Variants in IRAG2 observed in about 807,000 individuals in gnomAD.
IRAG2 encodes inositol 1,4,5-triphosphate receptor associated 2, also known as lymphoid restricted membrane protein.
In IRAG2, 45 loss-of-function variants were observed where a neutral mutation model predicts 69.9. The ratio of observed to expected loss-of-function variants is 0.64; its 90% CI spans 0.51 to 0.83. The LOEUF (loss-of-function observed/expected upper bound fraction) is 0.83. IRAG2 is among the 40% of genes least tolerant of loss of function. The pLI is 0.00. For missense variants in IRAG2, 520 were observed against 587.0 expected (o/e 0.89, Z 1.18); for synonymous variants, 193 against 202.4 (o/e 0.95, Z 0.40).
At chr12:25,083,564 T>C in intron 10 of IRAG2, 71 bp downstream of exon 10, 1 of 905,290 alleles carries the variant, frequency 1.1e-6, no homozygotes, top group Middle Eastern at 2.2e-4. Flanking sequence ...CTCTAAAAAG[T>C]AGTCTTAAAA....
rs750630508 is a variant in IRAG2 at position 25,103,968 on chromosome 12, A to G, written c.997-41A>G. The G allele has an allele frequency of 1.6e-5, 26 of 1,604,122 alleles. No individual in the cohort carries two copies. The Admixed American group carries it at 4.0e-4, about 25-fold the overall frequency. ...TTCATATGACAGAAAATATAAACGTATATTTTATCATTTCTTTTAACATTT... is the reference window on the plus strand; with the variant it reads ...TTCATATGACAGAAAATATAAACGTGTATTTTATCATTTCTTTTAACATTT... On this transcript the variant is annotated intron_variant, in intron 18 of 21. Coordinates refer to ENST00000556887, the MANE Select transcript of IRAG2 (RefSeq NM_001366544.2).
chr12:25,035,728 C>G (rs1398966164), exon 14 of IRAG2: 1 of 398,890 alleles, frequency 2.5e-6, no homozygotes, highest in Non-Finnish European at 4.4e-6. Context: ...GGAAATGCTG[C>G]TATTACTAAG....
chr12:25,016,816 A>G (rs1461693908), intron 5 of IRAG2, among the ~76,000 whole-genome samples: 2 of 152,116 alleles, frequency 1.3e-5, no homozygotes, highest in East Asian at 3.8e-4. Context: ...CCAGGCAGAA[A>G]TAGGAACTCT....
At chr12:25,017,368 G>A in intron 6 of IRAG2, 19 of 1,135,880 alleles carry the variant, frequency 1.7e-5, no homozygotes, top group Non-Finnish European at 2.1e-5. Flanking sequence ...TTTAAATATT[G>A]AGAGTCACAC....
chr12:25,020,901 A>G, exon 7 of IRAG2: 1 of 1,224,826 alleles, frequency 8.2e-7, no homozygotes, highest in Non-Finnish European at 1.0e-6. Flanking sequence ...CCCAGAGCAA[A>G]CAATTAGTAA....
intron 16 of IRAG2, among the ~76,000 whole-genome samples, chr12:25,038,958 G>A (rs919392804): frequency 9.2e-5 from 14 of 152,134 alleles, no homozygotes; most frequent in African/African-American, 3.4e-4. Flanking sequence ...GGAATAGATG[G>A]TAACAAATAT....
exon 3 of IRAG2, chr12:25,011,440 G>C (rs1479423486): frequency 8.1e-7 from 1 of 1,231,538 alleles, no homozygotes; most frequent in Non-Finnish European, 1.0e-6. Context: ...GAAGACAGTG[G>C]CCTTGAGCAG....
chr12:25,060,802 AG>A (rs757004906), intron 1 of IRAG2, among the ~76,000 whole-genome samples: 19 of 150,742 alleles, frequency 1.3e-4, no homozygotes, highest in Non-Finnish European at 2.4e-4. Flanking sequence ...CTAGGATTAC[AG>A]GCATGCGCCA....
chr12:25,092,079 A>G (rs1427238573), intron 14 of IRAG2, among the ~76,000 whole-genome samples: 1 of 151,602 alleles, frequency 6.6e-6, no homozygotes, highest in Admixed American at 6.6e-5. Context: ...CAGCTGGCCA[A>G]CATGGCGAAA....
At chr12:25,061,506 T>C (rs1400406501) in intron 1 of IRAG2, 86 bp from the exon 2 acceptor site, 1 of 397,162 alleles carries the variant, frequency 2.5e-6, no homozygotes, top group African/African-American at 2.1e-5. Context: ...ATCTGGGCAA[T>C]AGAACCAAAT....
intron 3 of IRAG2, chr12:25,011,635 GATGGAA>G (rs1944475458): frequency 2.2e-6 from 2 of 908,310 alleles, no homozygotes; most frequent in Admixed American, 4.3e-5. Flanking sequence ...TTCCTGTGTT[GATGGAA>G]ATACTATTGT....
chr12:25,032,465 C>T, intron 12 of IRAG2: 1 of 398,266 alleles, frequency 2.5e-6, no homozygotes, highest in Non-Finnish European at 4.4e-6. Context: ...TTCTTTTCTT[C>T]TATACGTTTG....
At chr12:25,081,598 T>A (rs1947219771) in intron 9 of IRAG2, among the ~76,000 whole-genome samples, 1 of 152,354 alleles carries the variant, frequency 6.6e-6, no homozygotes, top group Non-Finnish European at 1.5e-5. Context: ...ATCAAAATGT[T>A]GAATGTATAT....
chr12:25,011,301 T>C, intron 2 of IRAG2: 1 of 1,171,374 alleles, frequency 8.5e-7, no homozygotes, highest in Non-Finnish European at 1.1e-6. Flanking sequence ...ATTAAAGAGA[T>C]AGGTGCTTCA....
chr12:25,101,856 T>C (rs7134445), intron 16 of IRAG2: 28,434 of 506,816 alleles, frequency 0.056, 2,861 homozygotes, highest in African/African-American at 0.31. Flanking sequence ...AGAATTCTTA[T>C]TTCAAGAATC....
At chr12:25,027,243 AT>A (rs2139842874) in intron 9 of IRAG2, among the ~76,000 whole-genome samples, 1 of 152,180 alleles carries the variant, frequency 6.6e-6, no homozygotes, top group South Asian at 2.1e-4. Context: ...GCAGCCACTA[AT>A]CTATTGTCTG....
At chr12:25,073,454 T>C (rs7955576) in intron 6 of IRAG2, among the ~76,000 whole-genome samples, 37,461 of 152,168 alleles carry the variant, frequency 0.25, 5,094 homozygotes, top group Middle Eastern at 0.3. Context: ...TTCTGACTCA[T>C]TTCTTGGGCT....
intron 20 of IRAG2, 111 bp downstream of exon 20, chr12:25,104,573 T>C (rs1948929441): frequency 1.5e-6 from 1 of 688,544 alleles, no homozygotes. Flanking sequence ...AAAAGATAAT[T>C]CATTGTAAAA....
rs550228568 is a variant in IRAG2, at chr12:25,030,250, G to A, written c.1462-28G>A. ...CCTTTTACCAAAGCAATGTCCCAACGGCCTTCCCTAAATTCGTCTCTTTTC... is the reference window on the plus strand; with the variant it reads ...CCTTTTACCAAAGCAATGTCCCAACAGCCTTCCCTAAATTCGTCTCTTTTC... On this transcript the variant is annotated intron_variant, in intron 9 of 38. Transcript: ENST00000636465. 2.5e-5 allele frequency: 31 copies of A among 1,227,726 alleles called. No individual in the cohort carries two copies. In the African/African-American group the frequency reaches 3.4e-4, roughly 14 times the overall value. The allele number at this position is 1,227,726 out of a possible 1,614,324, so 76.1% of individuals were successfully genotyped here.
Sources: allele counts gnomAD v4.1 joint callset (sites outside exome capture counted in the v4.1 genomes callset), GRCh38; gene constraint gnomAD v4.1.1; transcripts MANE v1.5; gene names NCBI Gene and HGNC (gene_info 2026-07-23, HGNC 2026-07-21).